Variants in COG7 observed in about 807,000 individuals in gnomAD.
COG7 encodes the protein conserved oligomeric Golgi complex subunit 7.
In COG7, 49 loss-of-function variants were observed where a neutral mutation model predicts 91.5. That is an observed-to-expected ratio of 0.54 (90% CI 0.43 to 0.68). The LOEUF is 0.68. Among genes scored for constraint, COG7 ranks in the 30% least tolerant of loss-of-function variants. COG7 has a pLI of 0.00. For missense variants in COG7, 895 were observed against 961.3 expected (o/e 0.93, Z 0.91); for synonymous variants, 365 against 388.7 (o/e 0.94, Z 0.72).
chr16:23,389,487 G>A (rs549092576), intron 16 of COG7, among the ~76,000 whole-genome samples: 4 of 151,520 alleles, frequency 2.6e-5, no homozygotes, highest in East Asian at 1.9e-4. Context: ...GCACACACCC[G>A]CCTTCAGCAC....
intron 4 of COG7, among the ~76,000 whole-genome samples, chr16:23,442,206 C>CGCCTGTAA (rs1158061206): frequency 1.3e-5 from 2 of 151,854 alleles, no homozygotes; most frequent in Admixed American, 6.6e-5. Flanking sequence ...TGGTGGCACA[C>CGCCTGTAA]GCCTGTAATC....
In COG7 at chr16:23,388,846, TTC is replaced by T; in HGVS notation, c.*72_*73del. 3 of 1,608,484 alleles carry T rather than the reference TTC, an allele frequency of 1.9e-6. No individual in the cohort carries two copies. The South Asian group carries it at 3.3e-5, about 18-fold the overall frequency. On this transcript the variant is annotated 3_prime_UTR_variant, in exon 17 of 17. Coordinates refer to ENST00000307149, the MANE Select transcript of COG7 (RefSeq NM_153603.4). ...ACTTCTGCCCAATCTTGGGCAGAGT[TTC>T]TGAGCAAATCTGTGCTGGTGAGTCG...
intron 13 of COG7, among the ~76,000 whole-genome samples, chr16:23,403,222 T>C (rs1359622490): frequency 1.3e-5 from 2 of 151,986 alleles, no homozygotes; most frequent in African/African-American, 4.8e-5. Context: ...ACAGAAAAGG[T>C]ATCAAGGAAA....
intron 13 of COG7, among the ~76,000 whole-genome samples, chr16:23,401,520 G>A (rs558095102): frequency 5.3e-5 from 8 of 152,166 alleles, no homozygotes; most frequent in Non-Finnish European, 8.8e-5. Context: ...GGTCAGTACC[G>A]TCAGCTTTGA....
chr16:23,431,826 A>G (rs982178733), intron 6 of COG7, among the ~76,000 whole-genome samples: 10 of 150,052 alleles, frequency 6.7e-5, no homozygotes, highest in African/African-American at 2.5e-4. Context: ...AAAAAAAAAA[A>G]AAAGAAATAT....
At chr16:23,391,030 A>C (rs1469043211) in intron 16 of COG7, among the ~76,000 whole-genome samples, 2 of 152,266 alleles carry the variant, frequency 1.3e-5, no homozygotes, top group African/African-American at 4.8e-5. Context: ...GCTTTGCCAC[A>C]GACCTCACCA....
At chr16:23,423,475 T>G (rs1438970931) in intron 7 of COG7, among the ~76,000 whole-genome samples, 2 of 152,196 alleles carry the variant, frequency 1.3e-5, no homozygotes, top group African/African-American at 4.8e-5. Flanking sequence ...TTCGTCCCAC[T>G]GTGCTGCAGC....
At chr16:23,432,836 T>C (rs1202343649) in intron 6 of COG7, among the ~76,000 whole-genome samples, 1 of 152,088 alleles carries the variant, frequency 6.6e-6, no homozygotes, top group Non-Finnish European at 1.5e-5. Context: ...GTAGGTAAAT[T>C]TTACCTGAAG....
At chr16:23,420,609 A>C (rs1003054205) in intron 7 of COG7, among the ~76,000 whole-genome samples, 1 of 152,186 alleles carries the variant, frequency 6.6e-6, no homozygotes, top group Non-Finnish European at 1.5e-5. Context: ...TCACTCAGCT[A>C]AAGTCTGCTG....
chr16:23,445,985 A>G (rs1237449056), intron 1 of COG7, 24 bp from the exon 2 acceptor site: 13 of 1,593,228 alleles, frequency 8.2e-6, no homozygotes, highest in Non-Finnish European at 1.0e-5. Flanking sequence ...AAAAAAAAAA[A>G]ACAACAACAA....
chr16:23,427,345 G>C (rs1421244603), intron 6 of COG7, among the ~76,000 whole-genome samples: 2 of 151,526 alleles, frequency 1.3e-5, no homozygotes, highest in African/African-American at 4.8e-5. Flanking sequence ...TGTGGTGGTG[G>C]GCACCTGTAA....
At chr16:23,401,152 C>A (rs188892209) in intron 13 of COG7, among the ~76,000 whole-genome samples, 3 of 152,150 alleles carry the variant, frequency 2.0e-5, no homozygotes, top group African/African-American at 7.2e-5. Context: ...TCAAATATAG[C>A]GTTGGTTTGT....
At chr16:23,396,235 C>A (rs574393136) in intron 14 of COG7, among the ~76,000 whole-genome samples, 1 of 152,264 alleles carries the variant, frequency 6.6e-6, no homozygotes, top group South Asian at 2.1e-4. Context: ...AGGGAAGGGC[C>A]CGGGCCTGGA....
At chr16:23,450,962 G>C (rs911352067) in intron 1 of COG7, among the ~76,000 whole-genome samples, 51 of 152,228 alleles carry the variant, frequency 3.4e-4, no homozygotes, top group Admixed American at 6.5e-5. Flanking sequence ...GGGAGGCCGA[G>C]GTGGGTGGAT....
chr16:23,424,297 CAA>C (rs398042083), intron 7 of COG7, among the ~76,000 whole-genome samples: 14 of 48,646 alleles, frequency 2.9e-4, no homozygotes, highest in Non-Finnish European at 3.2e-4. Context: ...AACTCCATCT[CAA>C]AAAAAAAAAA....
At chr16:23,417,271 C>G in intron 8 of COG7, 150 bp from the exon 9 acceptor site, 1 of 797,600 alleles carries the variant, frequency 1.3e-6, no homozygotes, top group Non-Finnish European at 2.1e-6. Context: ...TTCTCTAGAG[C>G]CTGAATCAAG....
rs762616623 is a variant in COG7, at chr16:23,413,443, T to C, written c.1409+5A>G. On this transcript the variant is annotated splice_donor_5th_base_variant and intron_variant, in intron 10 of 16. Transcript: ENST00000307149. ...AACAAGCTTGAATTACAACCCCCGGTTTACCTAATGGAGTTCTGAAAAGCC... is the reference window on the plus strand; with the variant it reads ...AACAAGCTTGAATTACAACCCCCGGCTTACCTAATGGAGTTCTGAAAAGCC... 2 of 1,417,560 alleles carry C rather than the reference T, an allele frequency of 1.4e-6. No homozygotes were observed. Among genetic ancestry groups the C allele is most frequent in the Non-Finnish European group, 2.0e-6 (2 of 1,000,330 alleles). 87.8% of individuals were successfully genotyped at this position (1,417,560 alleles called of 1,614,324 possible). A position where few individuals can be genotyped will look rare whatever the true frequency, so the allele number is the denominator to read the frequency against.
chr16:23,416,642 T>C (rs892772547), intron 9 of COG7: 15 of 363,626 alleles, frequency 4.1e-5, no homozygotes, highest in Admixed American at 2.5e-4. Flanking sequence ...CAAAGGTCCT[T>C]TTTCTTGTTC....
At chr16:23,436,596 G>A (rs148954397) in intron 4 of COG7, among the ~76,000 whole-genome samples, 6 of 152,118 alleles carry the variant, frequency 3.9e-5, no homozygotes, top group Non-Finnish European at 5.9e-5. Context: ...TTAACCAGGC[G>A]TGGTGGTGCA....
Sources: gnomAD v4.1 joint callset for allele counts (sites outside exome capture counted in the v4.1 genomes callset) on GRCh38, gnomAD v4.1.1 for gene constraint, MANE v1.5 for transcripts, NCBI Gene and HGNC (gene_info 2026-07-23, HGNC 2026-07-21) for gene names.